The following GBA2 variants were observed in gnomAD, a reference collection of about 807,000 sequenced individuals.
GBA2 encodes non-lysosomal glucosylceramidase.
A neutral mutation model predicts 112.9 loss-of-function variants in GBA2; 79 were observed. The ratio of observed to expected loss-of-function variants is 0.70; its 90% CI spans 0.58 to 0.84. GBA2 has a LOEUF of 0.84. Ranked by LOEUF, GBA2 falls within the 40% of genes least tolerant of loss-of-function variation. The pLI is 0.00. For synonymous variants in GBA2, 403 were observed against 434.3 expected, an observed-to-expected ratio of 0.93 and a Z score of 0.90; for missense variants, 1,043 against 1,190.0, an observed-to-expected ratio of 0.88 and a Z score of 1.82.
chr9:35,737,924 G>A lies in GBA2; in HGVS notation c.2329C>T (p.His777Tyr), dbSNP rs1235620037. The A allele has an allele frequency of 2.5e-6, 4 of 1,611,282 alleles. No homozygotes were observed. In the African/African-American group the frequency reaches 4.0e-5, roughly 16 times the overall value. Residue 777 changes from histidine to tyrosine, a missense_variant, in exon 16 of 17, where the codon CAT becomes TAT. Coordinates refer to ENST00000378103, the MANE Select transcript of GBA2 (RefSeq NM_020944.3). The surrounding 1 kb of genome is among the most constrained non-coding windows in gnomAD (Gnocchi z 4.1). ...ATAGTTTGGAGAGCACGGACCACAT[G>A]TTGGGTAGGAAACACCTGGAGGGGC... ...EGDTEVFPTQHVVRALQTIFE... is the reference protein window; with the variant it reads ...EGDTEVFPTQYVVRALQTIFE...
chr9:35,738,324 A>G lies in GBA2; in HGVS notation c.2105T>C (p.Met702Thr). The change falls in exon 14 of 17, where the codon ATG becomes ACG. Residue 702 changes from methionine to threonine, a missense_variant. Coordinates refer to ENST00000378103, the MANE Select transcript of GBA2 (RefSeq NM_020944.3). ...WLAAVAVMVQ[M>T]AALCGAQDIQ... is the part of the protein sequence containing the mutation. ...GTCCTGTGCCCCACACAGAGCAGCC[A>G]TCTGGACCATCACAGCCACAGCTGC... 1.9e-6 allele frequency: 3 copies of G among 1,614,204 alleles called. No homozygotes were observed. Among genetic ancestry groups the G allele is most frequent in the Non-Finnish European group, 2.5e-6 (3 of 1,180,004 alleles).
rs1317345720 is a variant in GBA2, at chr9:35,739,050, C to A, written c.1747G>T (p.Ala583Ser). Reference sequence around the variant, plus strand: ...ATGACGTTCCTCCTTTTCACAGGTGCCATCACCCCACTCATCAGGTACCGT... The same window carrying A: ...ATGACGTTCCTCCTTTTCACAGGTGACATCACCCCACTCATCAGGTACCGT... Reference protein sequence around the residue: ...RRRYLMSGVMAPVKRRNVIPH... With the variant: ...RRRYLMSGVMSPVKRRNVIPH... Residue 583 changes from alanine (A) to serine (S), a missense_variant, in exon 11 of 17, where the codon GCA becomes TCA. Transcript: ENST00000378103. 2 of 1,613,632 alleles carry A rather than the reference C, an allele frequency of 1.2e-6. No individual in the cohort carries two copies. Among genetic ancestry groups the A allele is most frequent in the Non-Finnish European group, 1.7e-6 (2 of 1,179,730 alleles).
In GBA2 at chr9:35,739,102, G is replaced by A; in HGVS notation, c.1695C>T (p.Ala565=). Residue 565 remains alanine (A), a synonymous_variant, in exon 11 of 17, where the codon GCC becomes GCT. Transcript: ENST00000378103. ...GCCGTGTCAGGTCCTCCCTGAGAGT[G>A]GCCAGAGCTGGGGGAGAGACACAGA... ...ELSLQYDMAL[A]TLREDLTRRR... The A allele has an allele frequency of 1.3e-6, 2 of 1,540,234 alleles. No individual in the cohort carries two copies. Among genetic ancestry groups the A allele is most frequent in the South Asian group, 1.1e-5 (1 of 88,538 alleles).
Position 35,738,213 on chromosome 9 carries a change from T to C in GBA2, c.2197+19A>G. 6.2e-7 allele frequency: 1 copy of C among 1,614,104 alleles called. No homozygotes were observed. Among genetic ancestry groups the C allele is most frequent in the Non-Finnish European group, 8.5e-7 (1 of 1,179,958 alleles). On this transcript the variant is annotated intron_variant, in intron 14 of 16. Coordinates refer to ENST00000378103, the MANE Select transcript of GBA2 (RefSeq NM_020944.3). ...GTCCTCTCAGCTGCCTTAAGACTAC[T>C]TAGGCTCCCCGAACTCACCATTCCA...
At position 35,737,769 on chromosome 9, in the gene GBA2, C is replaced by A. The variant is rs757586951; in HGVS notation, c.2484G>T (p.Leu828=). The part of the protein sequence containing the change: ...DEVWVGVVYG[L]AATMIQEGLT... ...TTACCTCTTGGATCATGGTAGCTGC[C>A]AGCCCGTAGACCACACCCACCCAGA... The change falls in exon 16 of 17, where the codon CTG becomes CTT. Residue 828 remains leucine (L), a synonymous_variant. Coordinates refer to ENST00000378103, the MANE Select transcript of GBA2 (RefSeq NM_020944.3). The surrounding 1 kb of genome is among the most constrained non-coding windows in gnomAD (Gnocchi z 4.1). 1 of 1,614,060 alleles carries A rather than the reference C, an allele frequency of 6.2e-7. No individual in the cohort carries two copies. Among genetic ancestry groups the A allele is most frequent in the East Asian group, 2.2e-5 (1 of 44,886 alleles).
chr9:35,739,539 C>T (rs1164192653), intron 9 of GBA2, 89 bp downstream of exon 9: 1 of 1,358,392 alleles, frequency 7.4e-7, no homozygotes, highest in Non-Finnish European at 1.0e-6. Flanking sequence ...CCAACACCCC[C>T]TCATCCTAAC....
chr9:35,740,161 G>A lies in GBA2; in HGVS notation c.1284-38C>T. 6.2e-7 allele frequency: 1 copy of A among 1,614,042 alleles called. No homozygotes were observed. ...GGGGAAGGATGAACACAAGCCCCAG[G>A]TCAGAGCCCCAGCACTCTGGATCCT... On this transcript the variant is annotated intron_variant, in intron 7 of 16. Coordinates refer to ENST00000378103, the MANE Select transcript of GBA2 (RefSeq NM_020944.3). The surrounding 1 kb of genome is among the most constrained non-coding windows in gnomAD (Gnocchi z 4.7).
In GBA2 at chr9:35,741,145, CAG is replaced by C. The variant is rs1826648324; in HGVS notation, c.787-83_787-82del. 4 of 1,488,198 alleles carry C rather than the reference CAG, an allele frequency of 2.7e-6. No homozygotes were observed. In the African/African-American group the frequency reaches 4.1e-5, roughly 15 times the overall value. 92.2% of individuals were successfully genotyped at this position (1,488,198 alleles called of 1,614,324 possible). A position where few individuals can be genotyped will look rare whatever the true frequency, so the allele number is the denominator to read the frequency against. ...TCTGCTAGGATCAGTCCTGGGCACA[CAG>C]AGGACCTGACTCAAATACTCCCCAG... On this transcript the variant is annotated intron_variant, in intron 4 of 16. Transcript: ENST00000378103. This position sits in a 1 kb window ranked among gnomAD's most constrained non-coding sequence, Gnocchi z 4.6.
At position 35,737,825 on chromosome 9, in the gene GBA2, G is replaced by A; in HGVS notation, c.2428C>T (p.Pro810Ser). 6.2e-7 allele frequency: 1 copy of A among 1,613,866 alleles called. No individual in the cohort carries two copies. Among genetic ancestry groups the A allele is most frequent in the Non-Finnish European group, 8.5e-7 (1 of 1,179,932 alleles). Reference protein sequence around the residue: ...AVNGMQPHGVPDKSSVQSDEV... With the variant: ...AVNGMQPHGVSDKSSVQSDEV... Reference sequence around the variant, plus strand: ...TCAGACTGCACACTGGATTTATCAGGGACACCATGGGGCTGCATCCCATTC... The same window carrying A: ...TCAGACTGCACACTGGATTTATCAGAGACACCATGGGGCTGCATCCCATTC... Residue 810 changes from proline (P) to serine (S), a missense_variant, in exon 16 of 17, where the codon CCT becomes TCT. Pro to Ser is a moderately conservative substitution (Grantham distance 74). Coordinates refer to ENST00000378103, the MANE Select transcript of GBA2 (RefSeq NM_020944.3). This position sits in a 1 kb window ranked among gnomAD's most constrained non-coding sequence, Gnocchi z 4.1.
chr9:35,739,526 C>T, intron 9 of GBA2, 102 bp downstream of exon 9: 1 of 1,301,294 alleles, frequency 7.7e-7, no homozygotes, highest in Non-Finnish European at 1.1e-6. Context: ...TACTAGTCCA[C>T]ACCCAACACC....
At position 35,737,887 on chromosome 9, in the gene GBA2, T is replaced by C; in HGVS notation, c.2366A>G (p.Asn789Ser). 1 of 1,613,614 alleles carries C rather than the reference T, an allele frequency of 6.2e-7. No individual in the cohort carries two copies. Among genetic ancestry groups the C allele is most frequent in the Non-Finnish European group, 8.5e-7 (1 of 1,180,004 alleles). ...GGCCCCTCCTGCAAAGGCCTGGACG[T>C]TCAGCTCAAAGATAGTTTGGAGAGC... ...VRALQTIFELNVQAFAGGAMG... is the reference protein window; with the variant it reads ...VRALQTIFELSVQAFAGGAMG... Residue 789 changes from asparagine to serine, a missense_variant, in exon 16 of 17, where the codon AAC becomes AGC. Coordinates refer to ENST00000378103, the MANE Select transcript of GBA2 (RefSeq NM_020944.3). The surrounding 1 kb of genome is among the most constrained non-coding windows in gnomAD (Gnocchi z 4.1).
Position 35,741,978 on chromosome 9 carries a change from C to T in GBA2, c.568-88G>A. The stretch of plus-strand genomic sequence containing the variant: ...CTCCTCAAATCAGCTCCTCCCCTTT[C>T]AGAGCCTGCAACTGTTACCACTGCA... On this transcript the variant is annotated intron_variant, in intron 3 of 16. Transcript: ENST00000378103. This position sits in a 1 kb window ranked among gnomAD's most constrained non-coding sequence, Gnocchi z 4.6. 1 of 839,946 alleles carries T rather than the reference C, an allele frequency of 1.2e-6. No homozygotes were observed. The highest frequency in any genetic ancestry group is 1.4e-5 in the South Asian group (1 of 70,424). 52.0% of individuals were successfully genotyped at this position (839,946 alleles called of 1,614,324 possible).
chr9:35,738,826 C>T lies in GBA2; in HGVS notation c.1873G>A (p.Val625Met). The T allele has an allele frequency of 6.2e-7, 1 of 1,613,470 alleles. No individual in the cohort carries two copies. The highest frequency in any genetic ancestry group is 8.5e-7 in the Non-Finnish European group (1 of 1,179,368). Residue 625 changes from valine to methionine, a missense_variant, in exon 12 of 17, where the codon GTG becomes ATG. Transcript: ENST00000378103. ...TAATAGTCCCGATAAACCTGCAGCA[C>T]AAACTTCAGGTTCAGGTCCTTCCAA... ...ADWKDLNLKF[V>M]LQVYRDYYLT...
In GBA2 at chr9:35,737,281, T is replaced by G; in HGVS notation, c.2672A>C (p.Gln891Pro). ...GGAGGCCTTTTTGTGCTGCTGCTGT[T>G]GCAGGGCTAGCTGCATGGCCCATAT... ...LSIWAMQLAL[Q>P]QQQHKKASWP... The change falls in exon 17 of 17, where the codon CAA becomes CCA. Residue 891 changes from glutamine to proline, a missense_variant. Physicochemically the swap from Gln to Pro is moderately conservative, Grantham distance 76 (BLOSUM62 -1). Transcript: ENST00000378103. The surrounding 1 kb of genome is among the most constrained non-coding windows in gnomAD (Gnocchi z 4.1). The G allele has an allele frequency of 9.3e-6, 15 of 1,614,138 alleles. No homozygotes were observed. The highest frequency in any genetic ancestry group is 1.3e-5 in the Non-Finnish European group (15 of 1,180,030).
chr9:35,740,808 G>A lies in GBA2; in HGVS notation c.1026+17C>T. 1 of 1,613,696 alleles carries A rather than the reference G, an allele frequency of 6.2e-7. No individual in the cohort carries two copies. Among genetic ancestry groups the A allele is most frequent in the Non-Finnish European group, 8.5e-7 (1 of 1,179,720 alleles). On this transcript the variant is annotated intron_variant, in intron 5 of 16. Transcript: ENST00000378103. The surrounding 1 kb of genome is among the most constrained non-coding windows in gnomAD (Gnocchi z 4.7). ...TGGGGTTCAGGGGCTAAGGTATAGG[G>A]CAGGCTCTTTCCTTACCGTGACTCG...
rs1826525053 is a variant in GBA2, at chr9:35,739,766, T to C, written c.1444A>G (p.Asn482Asp). ...LPAWYKSALFNELYFLADGGT... is the reference protein window; with the variant it reads ...LPAWYKSALFDELYFLADGGT... ...CCATCAGCCAGGAAGTATAGTTCATTGAACAGCGCAGATTTGTACCAGGCA... is the reference window on the plus strand; with the variant it reads ...CCATCAGCCAGGAAGTATAGTTCATCGAACAGCGCAGATTTGTACCAGGCA... The change falls in exon 9 of 17, where the codon AAT (asparagine) becomes GAT (aspartate). Residue 482 changes from asparagine (N) to aspartate (D), a missense_variant. By Grantham distance (23) the Asn-to-Asp change is conservative. Transcript: ENST00000378103. The C allele has an allele frequency of 4.3e-6, 7 of 1,614,100 alleles. No homozygotes were observed. The highest frequency in any genetic ancestry group is 5.9e-6 in the Non-Finnish European group (7 of 1,179,984).
At position 35,748,434 on chromosome 9, in the gene GBA2, C is replaced by T. The variant is rs775188360; in HGVS notation, c.271G>A (p.Ala91Thr). Residue 91 changes from alanine to threonine, a missense_variant, in exon 1 of 17, where the codon GCT (alanine) becomes ACT (threonine). Ala to Thr is a moderately conservative substitution (Grantham distance 58). Coordinates refer to ENST00000378103, the MANE Select transcript of GBA2 (RefSeq NM_020944.3). The part of the protein sequence containing the change: ...VPPFGWRICL[A>T]HEFTEKRKPF... ...TTCCTCTTCTCTGTAAACTCATGAG[C>T]CAGACAGATGCGCCAGCCAAAGGGA... The T allele has an allele frequency of 4.3e-6, 7 of 1,614,172 alleles. No individual in the cohort carries two copies. Among genetic ancestry groups the T allele is most frequent in the Non-Finnish European group, 5.9e-6 (7 of 1,180,014 alleles).
Position 35,741,101 on chromosome 9 carries a change from G to A in GBA2, c.787-37C>T. 6.2e-7 allele frequency: 1 copy of A among 1,610,278 alleles called. No homozygotes were observed. Among genetic ancestry groups the A allele is most frequent in the South Asian group, 1.1e-5 (1 of 90,876 alleles). On this transcript the variant is annotated intron_variant, in intron 4 of 16. Transcript: ENST00000378103. This position sits in a 1 kb window ranked among gnomAD's most constrained non-coding sequence, Gnocchi z 4.6. ...AGATTAGACTCAGACGGTCCCAGTAGAGCGCCTCCTGACCCCACTCTGCTA... is the reference window on the plus strand; with the variant it reads ...AGATTAGACTCAGACGGTCCCAGTAAAGCGCCTCCTGACCCCACTCTGCTA...
intron 3 of GBA2, 166 bp from the exon 4 acceptor site, chr9:35,742,056 CTCCCCATCCATCTA>C: frequency 1.6e-6 from 1 of 637,488 alleles, no homozygotes; most frequent in Non-Finnish European, 2.9e-6. Flanking sequence ...GTCCTGCTAC[CTCCCCATCCATCTA>C]TCTCCCAAGC....
Sources: allele counts gnomAD v4.1 joint callset, GRCh38; gene constraint gnomAD v4.1.1; non-coding constraint Gnocchi (gnomAD v3.1); transcripts MANE v1.5; gene names NCBI Gene and HGNC (gene_info 2026-07-23, HGNC 2026-07-21).